The following PMS1 variants were observed in gnomAD, a reference collection of about 807,000 sequenced individuals.
PMS1 encodes the protein PMS1 protein homolog 1.
In PMS1, 79 loss-of-function variants were observed where a neutral mutation model predicts 93.1. That is an observed-to-expected ratio of 0.85 (90% CI 0.71 to 1.02). The LOEUF (loss-of-function observed/expected upper bound fraction) is 1.02. Among genes scored for constraint, PMS1 ranks in the 50% least tolerant of loss-of-function variants. PMS1 has a pLI of 0.00. For synonymous variants in PMS1, 335 were observed against 363.4 expected (o/e 0.92, Z 0.89); for missense variants, 1,064 against 1,085.3 (o/e 0.98, Z 0.28).
chr2:189,803,823 A>G (rs187215741), intron 3 of PMS1, among the ~76,000 whole-genome samples: 1 of 152,314 alleles, frequency 6.6e-6, no homozygotes, highest in East Asian at 1.9e-4. Flanking sequence ...TCATATCTAA[A>G]TACGTTTTCG....
chr2:189,790,141 A>G (rs1036746542), intron 1 of PMS1, among the ~76,000 whole-genome samples: 4 of 152,200 alleles, frequency 2.6e-5, no homozygotes, highest in Non-Finnish European at 4.4e-5. Context: ...TATAGAGGAT[A>G]GTTATCTGAC....
chr2:189,834,919 A>G (rs1395820325), intron 5 of PMS1, among the ~76,000 whole-genome samples: 1 of 152,158 alleles, frequency 6.6e-6, no homozygotes, highest in African/African-American at 2.4e-5. Context: ...TTGTAGAGAC[A>G]GGGTCTCACT....
intron 12 of PMS1, among the ~76,000 whole-genome samples, chr2:189,875,374 T>C (rs2057473183): frequency 6.6e-6 from 1 of 151,770 alleles, no homozygotes; most frequent in African/African-American, 2.4e-5. Flanking sequence ...AGAACCCACA[T>C]ATATGAAAAG....
At chr2:189,820,825 ATTCT>A (rs1167618086) in intron 5 of PMS1, among the ~76,000 whole-genome samples, 1 of 152,200 alleles carries the variant, frequency 6.6e-6, no homozygotes. Flanking sequence ...TGTCAGGAAG[ATTCT>A]TTATTAAAGC....
At chr2:189,798,954 G>C (rs751444285) in intron 3 of PMS1, among the ~76,000 whole-genome samples, 8 of 152,074 alleles carry the variant, frequency 5.3e-5, no homozygotes, top group East Asian at 1.9e-4. Context: ...TTTAGAAATA[G>C]GTTTCACATG....
chr2:189,785,841 T>A (rs929262453), intron 1 of PMS1, among the ~76,000 whole-genome samples: 2 of 152,094 alleles, frequency 1.3e-5, no homozygotes, highest in Non-Finnish European at 2.9e-5. Context: ...GAGAGACAAG[T>A]TGGCTGGGCA....
At chr2:189,786,713 C>T (rs1009855089) in intron 1 of PMS1, among the ~76,000 whole-genome samples, 8 of 152,120 alleles carry the variant, frequency 5.3e-5, no homozygotes, top group East Asian at 1.9e-4. Flanking sequence ...ATAAAATTCT[C>T]ATGTTGGCTA....
intron 5 of PMS1, among the ~76,000 whole-genome samples, chr2:189,838,989 C>CTT (rs141989481): frequency 2.0e-5 from 3 of 149,798 alleles, no homozygotes; most frequent in African/African-American, 4.9e-5. Flanking sequence ...AATACAATCA[C>CTT]TTTTTTTTTT....
At chr2:189,791,763 C>T (rs1025566072) in intron 1 of PMS1, 27 bp from the exon 2 acceptor site, 2 of 1,588,712 alleles carry the variant, frequency 1.3e-6, no homozygotes, top group Non-Finnish European at 1.7e-6. Context: ...CTTAACAATT[C>T]TTACAAGTTG....
intron 5 of PMS1, among the ~76,000 whole-genome samples, chr2:189,829,437 A>G (rs1443997812): frequency 6.6e-6 from 1 of 152,040 alleles, no homozygotes; most frequent in Non-Finnish European, 1.5e-5. Flanking sequence ...ACTGCTTTTT[A>G]ACTGTTTCTT....
chr2:189,829,375 T>TA (rs2052725742), intron 5 of PMS1, among the ~76,000 whole-genome samples: 1 of 152,214 alleles, frequency 6.6e-6, no homozygotes, highest in Admixed American at 6.5e-5. Context: ...CTCTCTATCT[T>TA]ACTCTCTTCA....
chr2:189,846,120 T>G (rs1575238758), intron 6 of PMS1, among the ~76,000 whole-genome samples: 1 of 152,058 alleles, frequency 6.6e-6, no homozygotes, highest in Non-Finnish European at 1.5e-5. Context: ...GCGTGGTGGG[T>G]CACACCTGTC....
chr2:189,799,957 A>G (rs768780850), intron 3 of PMS1, among the ~76,000 whole-genome samples: 1 of 152,236 alleles, frequency 6.6e-6, no homozygotes, highest in Non-Finnish European at 1.5e-5. Flanking sequence ...TGGATTAGCC[A>G]GCCTACAATG....
chr2:189,826,224 C>G (rs1251168208), intron 5 of PMS1, among the ~76,000 whole-genome samples: 2 of 152,116 alleles, frequency 1.3e-5, no homozygotes, highest in Admixed American at 6.5e-5. Context: ...GTTCCCCTCC[C>G]GCAATCCCAG....
At chr2:189,802,736 A>G (rs567745068) in intron 3 of PMS1, among the ~76,000 whole-genome samples, 10 of 152,328 alleles carry the variant, frequency 6.6e-5, no homozygotes, top group African/African-American at 1.9e-4. Context: ...GGAAGCCCCT[A>G]ATGTCATTAT....
rs1450971916 is a variant in PMS1, at chr2:189,791,581, C to T, written c.-20-209C>T. 4 of 436,782 alleles carry T rather than the reference C, an allele frequency of 9.2e-6. No individual in the cohort carries two copies. In the Admixed American group the frequency reaches 1.0e-4, roughly 11 times the overall value. 27.1% of individuals were successfully genotyped at this position (436,782 alleles called of 1,614,324 possible). ...GCAGTGAGTCGAGATCACGCCACTG[C>T]ACTCCAGCCTGGGTGACAGCGAGAT... is the stretch of plus-strand genomic sequence containing the variant. On this transcript the variant is annotated intron_variant, in intron 1 of 12. Coordinates refer to ENST00000441310, the MANE Select transcript of PMS1 (RefSeq NM_000534.5).
At chr2:189,806,267 C>T (rs1306147851) in intron 4 of PMS1, 4 of 247,872 alleles carry the variant, frequency 1.6e-5, no homozygotes, top group East Asian at 6.7e-5. Context: ...GTAATACCCT[C>T]GCCCATTTCT....
At chr2:189,796,884 A>G (rs1355039577) in intron 3 of PMS1, among the ~76,000 whole-genome samples, 1 of 151,590 alleles carries the variant, frequency 6.6e-6, no homozygotes, top group East Asian at 1.9e-4. Context: ...TCTTTGGGGT[A>G]TATATCCAGA....
intron 9 of PMS1, 128 bp from the exon 10 acceptor site, chr2:189,863,615 T>C: frequency 1.4e-6 from 1 of 703,534 alleles, no homozygotes; most frequent in Non-Finnish European, 2.5e-6. Context: ...GGAGAGTTAG[T>C]CTAATACATG....
Sources: gnomAD v4.1 joint callset for allele counts (sites outside exome capture counted in the v4.1 genomes callset) on GRCh38, gnomAD v4.1.1 for gene constraint, MANE v1.5 for transcripts, NCBI Gene and HGNC (gene_info 2026-07-23, HGNC 2026-07-21) for gene names.